The following EP400 variants were observed in gnomAD, a reference collection of about 807,000 sequenced individuals.
EP400 encodes E1A-binding protein p400.
EP400 carries 105 observed loss-of-function variants against 354.1 expected under a neutral mutation model. The ratio of observed to expected loss-of-function variants is 0.30; its 90% CI spans 0.25 to 0.35. The LOEUF (loss-of-function observed/expected upper bound fraction) is 0.35, where lower values mean the gene tolerates loss of function less well. Among genes scored for constraint, EP400 ranks in the 10% least tolerant of loss-of-function variants. The pLI is 1.00. For missense variants in EP400, 3,280 were observed against 4,121.0 expected (o/e 0.80, Z 5.59); for synonymous variants, 1,646 against 1,716.9 (o/e 0.96, Z 1.02).
chr12:132,010,699 T>G (rs930512465), intron 15 of EP400, among the ~76,000 whole-genome samples: 1 of 152,170 alleles, frequency 6.6e-6, no homozygotes, highest in Non-Finnish European at 1.5e-5. Context: ...CCCAGCACGT[T>G]GGGAGGCCGA....
At chr12:132,030,456 C>T (rs1342325179) in intron 29 of EP400, among the ~76,000 whole-genome samples, 3 of 152,120 alleles carry the variant, frequency 2.0e-5, no homozygotes, top group Non-Finnish European at 4.4e-5. Context: ...AAAACAATTC[C>T]AACCAATTTA....
rs150762235 is a variant in EP400, at chr12:131,998,176, T to A, written c.2827+3220T>A. 1.5e-3 allele frequency among the ~76,000 whole-genome samples: 223 copies of A among 152,336 alleles called. 1 individual carries two copies. Among genetic ancestry groups the A allele is most frequent in the Middle Eastern group, 6.8e-3 (2 of 294 alleles). On this transcript the variant is annotated intron_variant, in intron 12 of 52. Coordinates refer to ENST00000389561, the MANE Select transcript of EP400 (RefSeq NM_015409.5). The stretch of plus-strand genomic sequence containing the variant: ...GTCTGTACTGATACCACACTGTCTT[T>A]CTTACTATAGCTTTATAATAGTTCT...
At chr12:131,978,730 TTTG>T (rs1892568315) in intron 2 of EP400, among the ~76,000 whole-genome samples, 1 of 152,106 alleles carries the variant, frequency 6.6e-6, no homozygotes, top group South Asian at 2.1e-4. Flanking sequence ...CCAGGCTGGT[TTTG>T]AACTGCTGAC....
At chr12:132,069,727 C>T (rs1896013580) in intron 51 of EP400, 86 bp downstream of exon 51, 3 of 1,563,586 alleles carry the variant, frequency 1.9e-6, no homozygotes, top group Non-Finnish European at 2.6e-6. Flanking sequence ...TTGCGAGCTC[C>T]CAGCCCTTGC....
Position 132,018,370 on chromosome 12 carries a change from C to T in EP400, c.4271C>T (p.Ala1424Val). Residue 1424 changes from alanine to valine, a missense_variant, in exon 21 of 53, where the codon GCC becomes GTC. Coordinates refer to ENST00000389561, the MANE Select transcript of EP400 (RefSeq NM_015409.5). This position sits in a 1 kb window ranked among gnomAD's most constrained non-coding sequence, Gnocchi z 4.0. ...CGACCAGCAGCAGCAAAGCTGAAGGCCAGCAGGTGCGTGCGACCCAGAGGC... is the reference window on the plus strand; with the variant it reads ...CGACCAGCAGCAGCAAAGCTGAAGGTCAGCAGGTGCGTGCGACCCAGAGGC... ...AARPAAAKLKASRLFQPVQYG... is the reference protein window; with the variant it reads ...AARPAAAKLKVSRLFQPVQYG... The T allele has an allele frequency of 1.9e-6, 3 of 1,604,796 alleles. No homozygotes were observed. Among genetic ancestry groups the T allele is most frequent in the East Asian group, 2.2e-5 (1 of 44,846 alleles).
intron 2 of EP400, among the ~76,000 whole-genome samples, chr12:131,973,486 A>G (rs948173711): frequency 6.6e-6 from 1 of 152,130 alleles, no homozygotes; most frequent in Non-Finnish European, 1.5e-5. Flanking sequence ...TACCAAAAAT[A>G]CCAAAAATTT....
In EP400 at chr12:132,008,215, T is replaced by G. The variant is rs1456515704; in HGVS notation, c.3304+1338T>G. Among the ~76,000 whole-genome samples, 5 of 152,338 alleles carry G rather than the reference T, an allele frequency of 3.3e-5. No homozygotes were observed. The East Asian group carries it at 7.7e-4, about 24-fold the overall frequency. ...CGCCTGCCTTGACCTTCCAAAATGC[T>G]GGGATTACAGGCGTGAGCCACCGCA... On this transcript the variant is annotated intron_variant, in intron 15 of 52. Coordinates refer to ENST00000389561, the MANE Select transcript of EP400 (RefSeq NM_015409.5).
intron 2 of EP400, among the ~76,000 whole-genome samples, chr12:131,978,503 T>C (rs1892559098): frequency 6.6e-6 from 1 of 152,150 alleles, no homozygotes; most frequent in Admixed American, 6.6e-5. Flanking sequence ...CCTTTTCAGA[T>C]TGGCTTCTTT....
At chr12:132,021,760 C>T (rs1020361324) in intron 23 of EP400, among the ~76,000 whole-genome samples, 1 of 152,224 alleles carries the variant, frequency 6.6e-6, no homozygotes, top group African/African-American at 2.4e-5. Context: ...AAAACATTAG[C>T]TCTTTTTAGT....
At chr12:132,010,097 T>C (rs1392913597) in intron 15 of EP400, among the ~76,000 whole-genome samples, 2 of 151,140 alleles carry the variant, frequency 1.3e-5, no homozygotes, top group Admixed American at 1.3e-4. Flanking sequence ...TTTTTTTTTT[T>C]TTTTGAGACG....
intron 52 of EP400, 27 bp from the exon 53 acceptor site, chr12:132,077,374 G>GT (rs762684094): frequency 6.3e-7 from 1 of 1,597,490 alleles, no homozygotes; most frequent in Non-Finnish European, 8.5e-7. Flanking sequence ...CCTGGGCAAT[G>GT]TGTGTTTTCT....
Position 132,069,632 on chromosome 12 carries a change from C to G in EP400, c.9012C>G (p.Thr3004=), listed in dbSNP as rs572101362. ...QKLAGAQQVQ[T]QIQVAKLPQV... ...TGGCCGGGGCCCAGCAAGTGCAGAC[C>G]CAGATCCAGGTGAGCGGGGAACAGG... Residue 3004 remains threonine (T), a synonymous_variant, in exon 51 of 53, where the codon ACC becomes ACG. Coordinates refer to ENST00000389561, the MANE Select transcript of EP400 (RefSeq NM_015409.5). 19 of 1,614,170 alleles carry G rather than the reference C, an allele frequency of 1.2e-5. 1 individual carries two copies. The South Asian group carries it at 2.0e-4, about 17-fold the overall frequency.
intron 42 of EP400, 56 bp downstream of exon 42, chr12:132,053,280 T>C: frequency 6.2e-7 from 1 of 1,609,490 alleles, no homozygotes; most frequent in Non-Finnish European, 8.5e-7. Context: ...TGTGACTTCA[T>C]CCAGGGGGTA....
At chr12:132,004,790 G>T (rs1245579725) in intron 12 of EP400, among the ~76,000 whole-genome samples, 2 of 152,160 alleles carry the variant, frequency 1.3e-5, no homozygotes, top group Non-Finnish European at 2.9e-5. Context: ...CCAAATGTGT[G>T]TTGCACCTAC....
At position 131,950,004 on chromosome 12, in the gene EP400, T is replaced by G. The variant is rs1891402539; in HGVS notation, c.-68T>G. On this transcript the variant is annotated 5_prime_UTR_variant, in exon 1 of 53. Transcript: ENST00000389561. The stretch of plus-strand genomic sequence containing the variant: ...CGCGGCTTCCATCCTCCCGCCCTCC[T>G]GACGCGGCCGGAGCGCAGCCCTGAG... 1 of 151,796 alleles carries G rather than the reference T, an allele frequency of 6.6e-6. No individual in the cohort carries two copies. The highest frequency in any genetic ancestry group is 6.6e-5 in the Admixed American group (1 of 15,238). The allele number at this position is 151,796 out of a possible 1,614,324, so 9.4% of individuals were successfully genotyped here.
At chr12:131,996,243 G>A (rs1029982833) in intron 12 of EP400, among the ~76,000 whole-genome samples, 4 of 151,438 alleles carry the variant, frequency 2.6e-5, no homozygotes, top group Non-Finnish European at 4.4e-5. Flanking sequence ...GGGCAGGAGA[G>A]TAACTGTTGT....
At chr12:132,008,357 A>G (rs1207262496) in intron 15 of EP400, among the ~76,000 whole-genome samples, 1 of 152,202 alleles carries the variant, frequency 6.6e-6, no homozygotes, top group East Asian at 1.9e-4. Context: ...GGTGCATCTC[A>G]TGATAAGTTT....
At chr12:131,996,775 C>T (rs901947885) in intron 12 of EP400, among the ~76,000 whole-genome samples, 1 of 152,086 alleles carries the variant, frequency 6.6e-6, no homozygotes, top group East Asian at 1.9e-4. Flanking sequence ...AGCATCTTTT[C>T]GTGTTTCTTC....
chr12:132,073,496 TAGGCTGG>T (rs1896129476), intron 51 of EP400, among the ~76,000 whole-genome samples: 1 of 141,438 alleles, frequency 7.1e-6, no homozygotes, highest in Non-Finnish European at 1.5e-5. Context: ...CTCCATCGCC[TAGGCTGG>T]AGTGCAGTGG....
Sources: allele counts gnomAD v4.1 joint callset (sites outside exome capture counted in the v4.1 genomes callset), GRCh38; gene constraint gnomAD v4.1.1; non-coding constraint Gnocchi (gnomAD v3.1); transcripts MANE v1.5; gene names NCBI Gene and HGNC (gene_info 2026-07-23, HGNC 2026-07-21).